DOCK2: variants seen among roughly 807,000 people sequenced by gnomAD.
The protein encoded by DOCK2 is dedicator of cytokinesis 2.
DOCK2 carries 87 observed loss-of-function variants against 248.9 expected under a neutral mutation model. That is an observed-to-expected ratio of 0.35 (90% CI 0.29 to 0.42). DOCK2 has a LOEUF of 0.42. DOCK2 is among the 10% of genes least tolerant of loss of function. The probability of loss-of-function intolerance (pLI) is 1.00; values close to 1 mark genes in which losing one functional copy is unlikely to be tolerated. For synonymous variants in DOCK2, 805 were observed against 821.6 expected (o/e 0.98, Z 0.35); for missense variants, 1,747 against 2,300.2 (o/e 0.76, Z 4.92).
intron 26 of DOCK2, among the ~76,000 whole-genome samples, chr5:169,832,933 A>G (rs1386462426): frequency 3.3e-5 from 5 of 152,200 alleles, no homozygotes; most frequent in Non-Finnish European, 7.3e-5. Flanking sequence ...GAAAAGGCCT[A>G]AAGACAAAGC....
intron 28 of DOCK2, 81 bp from the exon 29 acceptor site, chr5:169,985,747 T>C: frequency 1.7e-6 from 2 of 1,192,760 alleles, no homozygotes; most frequent in Non-Finnish European, 2.3e-6. Context: ...CAAAATATAA[T>C]AGCAAAAAAA....
In DOCK2 at chr5:169,714,393, A is replaced by T; in HGVS notation, c.1877A>T (p.Lys626Met). 1 of 1,614,106 alleles carries T rather than the reference A, an allele frequency of 6.2e-7. No individual in the cohort carries two copies. Among genetic ancestry groups the T allele is most frequent in the Non-Finnish European group, 8.5e-7 (1 of 1,179,978 alleles). ...CTGGGTTTGCTGAAGTGGCGTATGA[A>T]GCCTCAACTGCTACAGGAGAATTTA... ...GLLGLLKWRM[K>M]PQLLQENLEK... Residue 626 changes from lysine (K) to methionine (M), a missense_variant, in exon 19 of 52, where the codon AAG (lysine) becomes ATG (methionine). Lys to Met is a moderately conservative substitution (Grantham distance 95). Around this residue, in one of 4 missense-constraint regions of DOCK2, gnomAD observed 858 missense variants for 1,183.5 expected, o/e 0.72. Transcript: ENST00000520908.
At chr5:169,896,041 C>T (rs188474995) in intron 27 of DOCK2, among the ~76,000 whole-genome samples, 30 of 152,292 alleles carry the variant, frequency 2.0e-4, no homozygotes, top group African/African-American at 7.0e-4. Flanking sequence ...CTTTCTGGGC[C>T]AACGACCAGG....
At chr5:169,868,716 C>T (rs1771752252) in intron 27 of DOCK2, among the ~76,000 whole-genome samples, 1 of 152,158 alleles carries the variant, frequency 6.6e-6, no homozygotes, top group Non-Finnish European at 1.5e-5. Context: ...TATGAGTGCA[C>T]CACTGCACTC....
At chr5:170,058,142 C>A (rs1301108316) in intron 44 of DOCK2, among the ~76,000 whole-genome samples, 8 of 152,132 alleles carry the variant, frequency 5.3e-5, no homozygotes, top group Admixed American at 5.2e-4. Context: ...CAGATAACAC[C>A]TATTTTGCTT....
intron 32 of DOCK2, among the ~76,000 whole-genome samples, chr5:170,011,766 G>A (rs1451154791): frequency 6.6e-6 from 1 of 152,158 alleles, no homozygotes; most frequent in Non-Finnish European, 1.5e-5. Flanking sequence ...AAGAGGCAAG[G>A]AGAGGACAGA....
chr5:170,056,624 G>T lies in DOCK2; in HGVS notation c.4296-60G>T. 3 of 1,437,274 alleles carry T rather than the reference G, an allele frequency of 2.1e-6. No individual in the cohort carries two copies. The South Asian group carries it at 3.5e-5, about 17-fold the overall frequency. The allele number at this position is 1,437,274 out of a possible 1,614,324, so 89.0% of individuals were successfully genotyped here. Reference sequence around the variant, plus strand: ...AACCTCCCTGGACAGTGCAGGGTCAGATCGGGTGTCAGCAGCCGGGGATGG... The same window carrying T: ...AACCTCCCTGGACAGTGCAGGGTCATATCGGGTGTCAGCAGCCGGGGATGG... On this transcript the variant is annotated intron_variant, in intron 42 of 51. Coordinates refer to ENST00000520908, the MANE Select transcript of DOCK2 (RefSeq NM_004946.3).
chr5:170,034,418 G>A lies in DOCK2; in HGVS notation c.3487G>A (p.Glu1163Lys), dbSNP rs749992814. The A allele has an allele frequency of 3.7e-6, 6 of 1,614,020 alleles. No individual in the cohort carries two copies. The highest frequency in any genetic ancestry group is 1.7e-5 in the Admixed American group (1 of 60,010). ...LESILMECAA[E>K]HPTIAKSVEN... Reference sequence around the variant, plus strand: ...CCGCAGCCTGATGGAATGTGCTGCAGAGCACCCAACCATTGCCAAGTCGGT... The same window carrying A: ...CCGCAGCCTGATGGAATGTGCTGCAAAGCACCCAACCATTGCCAAGTCGGT... Residue 1163 changes from glutamate to lysine, a missense_variant, in exon 35 of 52, where the codon GAG becomes AAG. Transcript: ENST00000520908.
At chr5:169,820,156 A>G (rs1768338101) in intron 26 of DOCK2, among the ~76,000 whole-genome samples, 1 of 152,252 alleles carries the variant, frequency 6.6e-6, no homozygotes. Context: ...ACGCAGCTCA[A>G]GGAGGCCTGC....
intron 22 of DOCK2, among the ~76,000 whole-genome samples, chr5:169,723,869 A>G (rs745311344): frequency 6.6e-6 from 1 of 152,178 alleles, no homozygotes; most frequent in African/African-American, 2.4e-5. Flanking sequence ...TGTCAGATCC[A>G]TCAGTACAGG....
In DOCK2 at chr5:169,985,905, G is replaced by A. The variant is rs1778057311; in HGVS notation, c.2976G>A (p.Met992Ile). The change falls in exon 29 of 52, where the codon ATG (methionine) becomes ATA (isoleucine). Residue 992 changes from methionine (M) to isoleucine (I), a missense_variant. Physicochemically the swap from Met to Ile is conservative, Grantham distance 10. Around this residue, in one of 4 missense-constraint regions of DOCK2, gnomAD observed 858 missense variants for 1,183.5 expected, o/e 0.72. Transcript: ENST00000520908. ...KNVYPGDWMAMSMVQNRVFLR... is the reference protein window; with the variant it reads ...KNVYPGDWMAISMVQNRVFLR... ...TGTACCCTGGAGACTGGATGGCCAT[G>A]AGCATGGTTCAAAACAGGTGAGCTG... The A allele has an allele frequency of 6.2e-7, 1 of 1,610,778 alleles. No individual in the cohort carries two copies. Among genetic ancestry groups the A allele is most frequent in the Non-Finnish European group, 8.5e-7 (1 of 1,177,974 alleles).
At chr5:169,654,198 G>A (rs1246628201) in intron 1 of DOCK2, among the ~76,000 whole-genome samples, 1 of 152,250 alleles carries the variant, frequency 6.6e-6, no homozygotes, top group Non-Finnish European at 1.5e-5. Context: ...TTGAGGAAAG[G>A]TCAACTTTGG....
intron 26 of DOCK2, among the ~76,000 whole-genome samples, chr5:169,808,986 G>A (rs1482112746): frequency 1.4e-5 from 2 of 142,234 alleles, no homozygotes; most frequent in African/African-American, 5.3e-5. Flanking sequence ...ATGGTTTAAG[G>A]GTTCTGATTT....
At chr5:169,708,102 A>T in intron 14 of DOCK2, 67 bp from the exon 15 acceptor site, 1 of 1,559,074 alleles carries the variant, frequency 6.4e-7, no homozygotes, top group South Asian at 1.2e-5. Context: ...CTAGGGACCA[A>T]ACCTGCACAA....
At chr5:169,711,817 A>G in intron 15 of DOCK2, 118 bp from the exon 16 acceptor site, 1 of 1,029,080 alleles carries the variant, frequency 9.7e-7, no homozygotes, top group Non-Finnish European at 1.5e-6. Flanking sequence ...GATGGGTTGT[A>G]AATCAGCAGG....
rs913458540 is a variant in DOCK2, at chr5:169,966,076, T to C, written c.2800-16992T>C. ...TTTCCTTTGCAATATTCTGCCAATC[T>C]CGAAATGGCAATGTGCAACAGAACA... On this transcript the variant is annotated intron_variant, in intron 27 of 51. Transcript: ENST00000520908. Among the ~76,000 whole-genome samples the C allele has an allele frequency of 5.9e-5, 9 of 152,326 alleles. 1 individual carries two copies. The highest frequency in any genetic ancestry group is 1.9e-4 in the African/African-American group (8 of 41,566).
chr5:169,721,716 A>T (rs1315081150), intron 22 of DOCK2, among the ~76,000 whole-genome samples: 1 of 152,234 alleles, frequency 6.6e-6, no homozygotes, highest in Non-Finnish European at 1.5e-5. Context: ...CTGCCCAGGA[A>T]CACTTGCAAG....
At chr5:169,799,474 A>G (rs1766840815) in intron 25 of DOCK2, among the ~76,000 whole-genome samples, 1 of 152,226 alleles carries the variant, frequency 6.6e-6, no homozygotes, top group African/African-American at 2.4e-5. Context: ...TTCAACACCT[A>G]ATTTCCCTCT....
chr5:169,960,637 T>C (rs1222639365), intron 27 of DOCK2, among the ~76,000 whole-genome samples: 1 of 152,208 alleles, frequency 6.6e-6, no homozygotes, highest in Non-Finnish European at 1.5e-5. Context: ...TGGCCATCAT[T>C]AGTCACCTGT....
Sources: allele counts gnomAD v4.1 joint callset (sites outside exome capture counted in the v4.1 genomes callset), GRCh38; gene constraint gnomAD v4.1.1; regional missense constraint gnomAD v4.1.1; transcripts MANE v1.5; gene names NCBI Gene and HGNC (gene_info 2026-07-23, HGNC 2026-07-21).